The following PPFIA2 variants were observed in gnomAD, a reference collection of about 807,000 sequenced individuals.
PPFIA2 encodes the protein PPFI scaffold protein A2.
Under a neutral mutation model 175.5 loss-of-function variants are expected in PPFIA2, and 46 were observed. The observed-to-expected ratio is 0.26, with a 90% CI of 0.21 to 0.34. PPFIA2 has a LOEUF of 0.34. PPFIA2 is among the 10% of genes least tolerant of loss of function. PPFIA2 has a pLI of 1.00. For missense variants in PPFIA2, 1,179 were observed against 1,506.1 expected (o/e 0.78, Z 3.60); for synonymous variants, 568 against 511.4 (o/e 1.11, Z -1.49).
At chr12:81,740,667 CATAAAA>C (rs1264595565) in intron 3 of PPFIA2, among the ~76,000 whole-genome samples, 1 of 152,008 alleles carries the variant, frequency 6.6e-6, no homozygotes, top group Non-Finnish European at 1.5e-5. Context: ...ATCAAAGATT[CATAAAA>C]ATAAATGAAT....
At chr12:81,279,955 A>T (rs1410746720) in intron 27 of PPFIA2, among the ~76,000 whole-genome samples, 1 of 152,190 alleles carries the variant, frequency 6.6e-6, no homozygotes, top group Non-Finnish European at 1.5e-5. Context: ...TCAACAGAGA[A>T]AAAATAATTC....
At chr12:81,488,783 T>C (rs1415646539) in intron 4 of PPFIA2, among the ~76,000 whole-genome samples, 2 of 151,800 alleles carry the variant, frequency 1.3e-5, no homozygotes, top group Non-Finnish European at 2.9e-5. Context: ...GGGCTATAAT[T>C]TTTTGTACAG....
chr12:81,270,970 A>AAGTT (rs1376457424), intron 28 of PPFIA2: 1 of 152,158 alleles, frequency 6.6e-6, no homozygotes, highest in East Asian at 1.9e-4. Flanking sequence ...TCCTGCCTTA[A>AAGTT]AGTTTATATT....
intron 3 of PPFIA2, among the ~76,000 whole-genome samples, chr12:81,741,086 G>A (rs957535147): frequency 6.6e-6 from 1 of 152,272 alleles, no homozygotes; most frequent in East Asian, 1.9e-4. Flanking sequence ...CACAGAAATT[G>A]TGTCAATATC....
At chr12:81,673,898 T>G (rs2071928244) in intron 4 of PPFIA2, among the ~76,000 whole-genome samples, 1 of 152,020 alleles carries the variant, frequency 6.6e-6, no homozygotes, top group African/African-American at 2.4e-5. Flanking sequence ...ACATTAAAAC[T>G]GAGAATTTTC....
At chr12:81,332,175 T>A (rs528458444) in intron 21 of PPFIA2, among the ~76,000 whole-genome samples, 8 of 152,130 alleles carry the variant, frequency 5.3e-5, no homozygotes, top group African/African-American at 1.7e-4. Flanking sequence ...GATCATCTTA[T>A]TTCTGTGGTT....
At chr12:81,423,954 C>T (rs1435856202) in intron 7 of PPFIA2, among the ~76,000 whole-genome samples, 1 of 151,810 alleles carries the variant, frequency 6.6e-6, no homozygotes, top group East Asian at 1.9e-4. Flanking sequence ...ACACAAACAA[C>T]AATATAAAAA....
At chr12:81,655,739 T>G (rs1003763281) in intron 4 of PPFIA2, among the ~76,000 whole-genome samples, 1 of 152,012 alleles carries the variant, frequency 6.6e-6, no homozygotes, top group Non-Finnish European at 1.5e-5. Context: ...TTGGTCAATT[T>G]GGGGAAATAA....
chr12:81,598,099 G>A, intron 4 of PPFIA2: 1 of 1,531,288 alleles, frequency 6.5e-7, no homozygotes, highest in Non-Finnish European at 8.7e-7. Context: ...TTAGCGTACA[G>A]ATAAATCCGT....
At chr12:81,486,742 A>G (rs977312572) in intron 4 of PPFIA2, among the ~76,000 whole-genome samples, 4 of 151,904 alleles carry the variant, frequency 2.6e-5, no homozygotes, top group African/African-American at 9.7e-5. Context: ...AGTAGTACTC[A>G]TATCCACTCT....
At chr12:81,456,494 G>A (rs1010255089) in intron 5 of PPFIA2, among the ~76,000 whole-genome samples, 1 of 152,110 alleles carries the variant, frequency 6.6e-6, no homozygotes, top group Non-Finnish European at 1.5e-5. Context: ...AAAGGCACAA[G>A]CTCCCAGTTA....
chr12:81,382,252 G>C (rs1472336296), intron 9 of PPFIA2, among the ~76,000 whole-genome samples: 1 of 152,164 alleles, frequency 6.6e-6, no homozygotes, highest in Non-Finnish European at 1.5e-5. Flanking sequence ...AGCATGTTAG[G>C]ATGAGACAGT....
intron 4 of PPFIA2, among the ~76,000 whole-genome samples, chr12:81,646,424 A>C (rs1353760183): frequency 6.6e-6 from 1 of 152,112 alleles, no homozygotes; most frequent in Non-Finnish European, 1.5e-5. Flanking sequence ...GAGGAGAACT[A>C]TGAAGTTCCA....
chr12:81,375,587 A>G, intron 10 of PPFIA2: 2 of 578,750 alleles, frequency 3.5e-6, no homozygotes, highest in Non-Finnish European at 6.0e-6. Flanking sequence ...AATCAGAGTC[A>G]TTATTTGTAT....
At chr12:81,345,378 C>CT (rs569314281) in intron 18 of PPFIA2, among the ~76,000 whole-genome samples, 2 of 151,674 alleles carry the variant, frequency 1.3e-5, no homozygotes, top group South Asian at 2.1e-4. Flanking sequence ...CTAAAAATGC[C>CT]TTTTTTTTCA....
intron 4 of PPFIA2, among the ~76,000 whole-genome samples, chr12:81,501,201 G>A (rs928739926): frequency 6.6e-6 from 1 of 152,118 alleles, no homozygotes; most frequent in Non-Finnish European, 1.5e-5. Flanking sequence ...TCATACAGCT[G>A]AATTGTCCTC....
At chr12:81,518,900 G>A (rs1375337135) in intron 4 of PPFIA2, among the ~76,000 whole-genome samples, 4 of 152,058 alleles carry the variant, frequency 2.6e-5, no homozygotes, top group Non-Finnish European at 4.4e-5. Flanking sequence ...TCAGGTTAAA[G>A]CTGCTCAAAT....
intron 4 of PPFIA2, among the ~76,000 whole-genome samples, chr12:81,562,970 GAT>G (rs1379240846): frequency 1.0e-4 from 15 of 149,430 alleles, no homozygotes; most frequent in Admixed American, 6.7e-4. Flanking sequence ...GGCAAGGAAA[GAT>G]ATTCTTGCAA....
chr12:81,259,629 A>C lies in PPFIA2; in HGVS notation c.*65T>G. On this transcript the variant is annotated 3_prime_UTR_variant, in exon 33 of 33. Coordinates refer to ENST00000549396, the MANE Select transcript of PPFIA2 (RefSeq NM_003625.5). ...TGCTCGTCTTCTTAGATGGTAGTGC[A>C]CTTTAGGTAGAGTAGACTGAAAAGA... 2 of 1,533,894 alleles carry C rather than the reference A, an allele frequency of 1.3e-6. No individual in the cohort carries two copies. Among genetic ancestry groups the C allele is most frequent in the South Asian group, 1.2e-5 (1 of 84,000 alleles).
Sources: gnomAD v4.1 joint callset for allele counts (sites outside exome capture counted in the v4.1 genomes callset) on GRCh38, gnomAD v4.1.1 for gene constraint, MANE v1.5 for transcripts, NCBI Gene and HGNC (gene_info 2026-07-23, HGNC 2026-07-21) for gene names.